MICALL2: variants seen among roughly 807,000 people sequenced by gnomAD.
The protein encoded by MICALL2 is MICAL-like protein 2.
Under a neutral mutation model 91.1 loss-of-function variants are expected in MICALL2, and 111 were observed. That is an observed-to-expected ratio of 1.22 (90% CI 1.04 to 1.43). MICALL2 has a LOEUF of 1.43. Among genes scored for constraint, MICALL2 ranks in the 40% most tolerant of loss-of-function variants. The pLI is 0.00. For missense variants in MICALL2, 1,556 were observed against 1,236.0 expected, an observed-to-expected ratio of 1.26 and a Z score of -3.88; for synonymous variants, 694 against 525.3, an observed-to-expected ratio of 1.32 and a Z score of -4.39.
chr7:1,441,937 C>A lies in MICALL2; in HGVS notation c.1711+255G>T, dbSNP rs1391952868. 11 of 551,020 alleles carry A rather than the reference C, an allele frequency of 2.0e-5. No individual in the cohort carries two copies. The Admixed American group carries it at 3.7e-4, about 18-fold the overall frequency. The allele number at this position is 551,020 out of a possible 1,614,324, so 34.1% of individuals were successfully genotyped here. On this transcript the variant is annotated intron_variant, in intron 7 of 16. Coordinates refer to ENST00000297508, the MANE Select transcript of MICALL2 (RefSeq NM_182924.4). ...GGACGCTGCAGGGCTGGGCTGCAGG[C>A]ACCTGCAGGACGTGCGGATGGGGTG...
Position 1,439,907 on chromosome 7 carries a change from G to T in MICALL2, c.1966+18C>A, listed in dbSNP as rs749386444. The T allele has an allele frequency of 2.9e-5, 41 of 1,423,724 alleles. No individual in the cohort carries two copies. The highest frequency in any genetic ancestry group is 3.5e-5 in the Non-Finnish European group (38 of 1,091,604). 88.2% of individuals were successfully genotyped at this position (1,423,724 alleles called of 1,614,324 possible). On this transcript the variant is annotated intron_variant, in intron 9 of 16. Coordinates refer to ENST00000297508, the MANE Select transcript of MICALL2 (RefSeq NM_182924.4). Reference sequence around the variant, plus strand: ...CAGCTAGGCAACCCGGGGGCCCCTGGGTCCCGTCCAGGAGTACCTGGGAGG... The same window carrying T: ...CAGCTAGGCAACCCGGGGGCCCCTGTGTCCCGTCCAGGAGTACCTGGGAGG...
chr7:1,436,883 C>CA, intron 14 of MICALL2, 27 bp from the exon 15 acceptor site: 1 of 1,470,124 alleles, frequency 6.8e-7, no homozygotes, highest in Non-Finnish European at 9.2e-7. Context: ...TCAGCAGGAG[C>CA]CCCCCCCACC....
chr7:1,450,395 G>C, intron 1 of MICALL2, 107 bp from the exon 2 acceptor site: 1 of 908,870 alleles, frequency 1.1e-6, no homozygotes, highest in Non-Finnish European at 1.8e-6. Context: ...AGGCCAGGAT[G>C]GGGGGCTGTG....
chr7:1,437,035 C>G, intron 14 of MICALL2, 179 bp from the exon 15 acceptor site: 1 of 521,560 alleles, frequency 1.9e-6, no homozygotes, highest in Non-Finnish European at 3.4e-6. Flanking sequence ...ACGGCCACGT[C>G]AGAGCCCGTG....
intron 5 of MICALL2, 119 bp downstream of exon 5, chr7:1,446,594 G>C: frequency 1.5e-6 from 1 of 660,980 alleles, no homozygotes; most frequent in African/African-American, 2.0e-5. Context: ...GGGGAGAGGG[G>C]AGAGGGGAGA....
Position 1,446,840 on chromosome 7 carries a change from GC to G in MICALL2, c.526-13del. ...GCCAATGCCTGGTCCTGGGGAAGATGCCAGCACCTCTCTGAGCAGCCGTCCA... is the reference window on the plus strand; with the variant it reads ...GCCAATGCCTGGTCCTGGGGAAGATGCAGCACCTCTCTGAGCAGCCGTCCA... On this transcript the variant is annotated splice_polypyrimidine_tract_variant and intron_variant, in intron 4 of 16. Transcript: ENST00000297508. 1 of 1,554,340 alleles carries G rather than the reference GC, an allele frequency of 6.4e-7. No homozygotes were observed. The highest frequency in any genetic ancestry group is 8.7e-7 in the Non-Finnish European group (1 of 1,145,172).
intron 16 of MICALL2, 180 bp from the exon 17 acceptor site, chr7:1,434,852 C>G: frequency 1.3e-6 from 1 of 749,302 alleles, no homozygotes; most frequent in East Asian, 2.7e-5. Context: ...CTGGGTGCCC[C>G]GGAGGGCTGG....
chr7:1,444,398 CA>C (rs1780460330), intron 6 of MICALL2, among the ~76,000 whole-genome samples: 1 of 152,190 alleles, frequency 6.6e-6, no homozygotes, highest in Non-Finnish European at 1.5e-5. Context: ...AGCGCCACCG[CA>C]CCCATGACGC....
intron 10 of MICALL2, 99 bp from the exon 11 acceptor site, chr7:1,438,452 T>TGGCCCCAGCC (rs1186820052): frequency 6.5e-5 from 98 of 1,510,492 alleles, no homozygotes; most frequent in Non-Finnish European, 8.4e-5. Context: ...ACAGCACAGC[T>TGGCCCCAGCC]GGCCCCAGCC....
chr7:1,440,064 T>C lies in MICALL2; in HGVS notation c.1827A>G (p.Pro609=). 6.3e-7 allele frequency: 1 copy of C among 1,587,668 alleles called. No individual in the cohort carries two copies. The highest frequency in any genetic ancestry group is 8.5e-7 in the Non-Finnish European group (1 of 1,171,738). The change falls in exon 9 of 17, where the codon CCA becomes CCG. Residue 609 remains proline, a synonymous_variant. Transcript: ENST00000297508. ...CCGCCCTCGGCTCTGCCAGGGCCCGTGGTTCCTTGGGCTTCAGAGTCCTGG... is the reference window on the plus strand; with the variant it reads ...CCGCCCTCGGCTCTGCCAGGGCCCGCGGTTCCTTGGGCTTCAGAGTCCTGG... The part of the protein sequence containing the change: ...PAERTLKPKE[P]RALAEPRAGE...
intron 1 of MICALL2, among the ~76,000 whole-genome samples, chr7:1,456,112 A>G (rs1781005525): frequency 6.6e-6 from 1 of 151,904 alleles, no homozygotes; most frequent in African/African-American, 2.4e-5. Context: ...ATGAAGGCAC[A>G]GAGGCAGGCA....
chr7:1,448,947 G>A (rs962085399), intron 2 of MICALL2, among the ~76,000 whole-genome samples, 186 bp from the exon 3 acceptor site: 3 of 152,348 alleles, frequency 2.0e-5, no homozygotes, highest in Non-Finnish European at 2.9e-5. Flanking sequence ...CGGGGATCAC[G>A]GTCCCATCTG....
chr7:1,446,724 C>T lies in MICALL2; in HGVS notation c.630G>A (p.Arg210=). ...RHLADGRLYH[R]SCFRCKQCSC... is the part of the protein sequence containing the mutation. Reference sequence around the variant, plus strand: ...GAGGGCAGCCCCACCTGAAGCAGCTCCGGTGGTAAAGCCTCCCGTCGGCCA... The same window carrying T: ...GAGGGCAGCCCCACCTGAAGCAGCTTCGGTGGTAAAGCCTCCCGTCGGCCA... The change falls in exon 5 of 17, where the codon CGG becomes CGA. Residue 210 remains arginine, a synonymous_variant. Transcript: ENST00000297508. 6.2e-7 allele frequency: 1 copy of T among 1,600,510 alleles called. No individual in the cohort carries two copies. The highest frequency in any genetic ancestry group is 8.5e-7 in the Non-Finnish European group (1 of 1,174,834).
chr7:1,447,324 C>A (rs1340905750), intron 4 of MICALL2, among the ~76,000 whole-genome samples: 1 of 152,152 alleles, frequency 6.6e-6, no homozygotes, highest in African/African-American at 2.4e-5. Context: ...ATCCTGGGCC[C>A]ATCTAGGTTC....
intron 15 of MICALL2, among the ~76,000 whole-genome samples, chr7:1,435,892 ATC>A (rs1779943303): frequency 1.3e-5 from 2 of 151,990 alleles, no homozygotes; most frequent in East Asian, 3.9e-4. Context: ...TCTACTAAAA[ATC>A]TAAAAAAATT....
chr7:1,447,187 G>C (rs1450768122), intron 4 of MICALL2, among the ~76,000 whole-genome samples: 1 of 152,168 alleles, frequency 6.6e-6, no homozygotes, highest in Non-Finnish European at 1.5e-5. Context: ...CCAACCACCA[G>C]ATATTTGCCC....
At chr7:1,450,087 C>T (rs1184543825) in intron 2 of MICALL2, among the ~76,000 whole-genome samples, 153 bp downstream of exon 2, 7 of 152,184 alleles carry the variant, frequency 4.6e-5, no homozygotes, top group Non-Finnish European at 7.4e-5. Flanking sequence ...CAGCCCAGGA[C>T]GCGTTGCCGG....
In MICALL2 at chr7:1,445,249, T is replaced by C. The variant is rs145485506; in HGVS notation, c.821A>G (p.Gln274Arg). ...GGCCTTGTTTGCCTCCTGGGCCTTC[T>C]GTGGGGAACAGGAGGTCCTGGAATC... ...GVDSRTSCSP[Q>R]KAQEANKARP... is the part of the protein sequence containing the mutation. The change falls in exon 6 of 17, where the codon CAG becomes CGG. Residue 274 changes from glutamine to arginine, a missense_variant. Physicochemically the swap from Gln to Arg is conservative, Grantham distance 43 (BLOSUM62 1). Coordinates refer to ENST00000297508, the MANE Select transcript of MICALL2 (RefSeq NM_182924.4). 490 of 1,612,382 alleles carry C rather than the reference T, an allele frequency of 3.0e-4. No homozygotes were observed. The African/African-American group carries it at 5.0e-3, about 16-fold the overall frequency.
intron 1 of MICALL2, among the ~76,000 whole-genome samples, chr7:1,458,567 C>T (rs906182024): frequency 1.3e-5 from 2 of 152,260 alleles, no homozygotes; most frequent in African/African-American, 2.4e-5. Context: ...CAGCTACACA[C>T]GCCAAGACCC....
Sources: gnomAD v4.1 joint callset for allele counts (sites outside exome capture counted in the v4.1 genomes callset) on GRCh38, gnomAD v4.1.1 for gene constraint, MANE v1.5 for transcripts, NCBI Gene and HGNC (gene_info 2026-07-23, HGNC 2026-07-21) for gene names.